HACL1: variants seen among roughly 807,000 people sequenced by gnomAD.
HACL1 encodes the protein 1600020H07Rik.
In HACL1, 64 loss-of-function variants were observed where a neutral mutation model predicts 74.2. That is an observed-to-expected ratio of 0.86 (90% confidence interval 0.70 to 1.06). The LOEUF is 1.06. HACL1 is among the 50% of genes least tolerant of loss of function. HACL1 has a pLI of 0.00. For synonymous variants in HACL1, 230 were observed against 238.8 expected, an observed-to-expected ratio of 0.96 and a Z score of 0.34; for missense variants, 728 against 719.7, an observed-to-expected ratio of 1.01 and a Z score of -0.13.
intron 10 of HACL1, 30 bp from the exon 11 acceptor site, chr3:15,573,272 C>T (rs549390610): frequency 7.5e-7 from 1 of 1,333,528 alleles, no homozygotes; most frequent in Admixed American, 1.7e-5. Flanking sequence ...AAAGAACAAC[C>T]CATGTTTATT....
intron 9 of HACL1, among the ~76,000 whole-genome samples, chr3:15,579,165 T>C (rs2063679754): frequency 1.3e-5 from 2 of 152,218 alleles, no homozygotes; most frequent in South Asian, 4.1e-4. Context: ...GATTTTAATA[T>C]GACCCAGAAT....
chr3:15,567,206 CTTTTT>C (rs34317560), intron 14 of HACL1, among the ~76,000 whole-genome samples: 2,486 of 81,080 alleles, frequency 0.031, 66 homozygotes, highest in African/African-American at 0.096. Context: ...GCCATGCTGC[CTTTTT>C]TTTTTTTTTT....
At chr3:15,593,167 A>G (rs989354387) in intron 3 of HACL1, among the ~76,000 whole-genome samples, 8 of 150,174 alleles carry the variant, frequency 5.3e-5, no homozygotes, top group African/African-American at 1.7e-4. Flanking sequence ...ACATACGTAT[A>G]TATGTGTGTA....
rs768599339 is a variant in HACL1, at chr3:15,563,407, G to T, written c.1655C>A (p.Pro552His). 2.5e-6 allele frequency: 4 copies of T among 1,613,590 alleles called. No individual in the cohort carries two copies. The African/African-American group carries it at 5.3e-5, about 22-fold the overall frequency. The stretch of plus-strand genomic sequence containing the variant: ...CTCAATCATGATGTTGATAAGAGAA[G>T]GTTTAGTTGTGTCTGCTAGGCTCTG... ...LRQSLADTTKPSLINIMIEPQ... is the reference protein window; with the variant it reads ...LRQSLADTTKHSLINIMIEPQ... Residue 552 changes from proline to histidine, a missense_variant, in exon 16 of 17, where the codon CCT becomes CAT. By Grantham distance (77) the Pro-to-His change is moderately conservative. Coordinates refer to ENST00000321169, the MANE Select transcript of HACL1 (RefSeq NM_012260.4).
chr3:15,565,972 C>T (rs1264923421), intron 14 of HACL1, among the ~76,000 whole-genome samples: 1 of 152,164 alleles, frequency 6.6e-6, no homozygotes. Context: ...GTAATCTAGA[C>T]ATCATTAAAA....
Position 15,564,633 on chromosome 3 carries a change from C to T in HACL1, c.1435G>A (p.Val479Ile), listed in dbSNP as rs1178461972. ...TGGTAAATTCCATTGTTATTCACTACCAACAGTATGATTGGCAAGTTGTAC... is the reference window on the plus strand; with the variant it reads ...TGGTAAATTCCATTGTTATTCACTATCAACAGTATGATTGGCAAGTTGTAC... ...CRYNLPIILLVVNNNGIYQGF... is the reference protein window; with the variant it reads ...CRYNLPIILLIVNNNGIYQGF... The change falls in exon 15 of 17, where the codon GTA (valine) becomes ATA (isoleucine). Residue 479 changes from valine to isoleucine, a missense_variant. Val to Ile is a conservative substitution (Grantham distance 29). Coordinates refer to ENST00000321169, the MANE Select transcript of HACL1 (RefSeq NM_012260.4). 9.2e-6 allele frequency: 14 copies of T among 1,529,348 alleles called. No individual in the cohort carries two copies. The highest frequency in any genetic ancestry group is 1.3e-5 in the Non-Finnish European group (14 of 1,108,756). 94.7% of individuals were successfully genotyped at this position (1,529,348 alleles called of 1,614,324 possible).
intron 3 of HACL1, among the ~76,000 whole-genome samples, chr3:15,592,069 T>C (rs966992893): frequency 4.2e-3 from 28 of 6,608 alleles, no homozygotes; most frequent in African/African-American, 0.016. Flanking sequence ...TATATACGTA[T>C]ATACGTATAC....
chr3:15,594,768 C>T (rs944708936), intron 3 of HACL1, among the ~76,000 whole-genome samples: 2 of 152,186 alleles, frequency 1.3e-5, no homozygotes, highest in Admixed American at 6.5e-5. Flanking sequence ...ACAAGTCATA[C>T]GGCTCGTGGC....
intron 2 of HACL1, 106 bp from the exon 3 acceptor site, chr3:15,596,530 G>T: frequency 3.0e-6 from 2 of 667,692 alleles, no homozygotes; most frequent in Non-Finnish European, 5.5e-6. Context: ...GGTAAAGGCA[G>T]AATTAAAATA....
At chr3:15,569,118 G>C (rs2063481044) in intron 12 of HACL1, among the ~76,000 whole-genome samples, 1 of 152,152 alleles carries the variant, frequency 6.6e-6, no homozygotes, top group Non-Finnish European at 1.5e-5. Context: ...TCCCTGAATG[G>C]AGAGAAAAAC....
chr3:15,584,741 G>T (rs2063765620), intron 7 of HACL1, among the ~76,000 whole-genome samples: 2 of 152,046 alleles, frequency 1.3e-5, no homozygotes, highest in South Asian at 4.1e-4. Context: ...CTCTATCAGG[G>T]GATGATTTAG....
At chr3:15,590,578 A>G (rs1383596444) in intron 4 of HACL1, among the ~76,000 whole-genome samples, 1 of 152,232 alleles carries the variant, frequency 6.6e-6, no homozygotes, top group African/African-American at 2.4e-5. Flanking sequence ...AGATCAGAGA[A>G]TAAGTACTAA....
At chr3:15,580,252 C>T (rs183548889) in intron 8 of HACL1, among the ~76,000 whole-genome samples, 174 of 152,196 alleles carry the variant, frequency 1.1e-3, no homozygotes, top group African/African-American at 4.0e-3. Flanking sequence ...CTCAGCTTCC[C>T]GAGTTGCTGG....
intron 3 of HACL1, among the ~76,000 whole-genome samples, chr3:15,592,040 T>TAC (rs1333415556): frequency 2.2e-5 from 3 of 136,842 alleles, no homozygotes; most frequent in Non-Finnish European, 4.6e-5. Context: ...TACGTATATA[T>TAC]ACACACACTA....
At chr3:15,574,268 T>C (rs1574918022) in intron 10 of HACL1, among the ~76,000 whole-genome samples, 1 of 152,216 alleles carries the variant, frequency 6.6e-6, no homozygotes, top group East Asian at 1.9e-4. Flanking sequence ...GTCAGGAAGC[T>C]GAGGCAGGAG....
chr3:15,594,436 C>T (rs1337904474), intron 3 of HACL1, among the ~76,000 whole-genome samples: 1 of 152,244 alleles, frequency 6.6e-6, no homozygotes. Context: ...ATGTTTTACC[C>T]TTCAGTGTGA....
chr3:15,560,984 A>G (rs2063337101), intron 16 of HACL1, 87 bp from the exon 17 acceptor site: 2 of 1,035,632 alleles, frequency 1.9e-6, no homozygotes, highest in Non-Finnish European at 3.0e-6. Context: ...CTAAAACCTA[A>G]AAGTCCTACA....
At chr3:15,563,231 CAA>C in intron 16 of HACL1, 125 bp downstream of exon 16, 1 of 647,160 alleles carries the variant, frequency 1.5e-6, no homozygotes, top group South Asian at 2.0e-5. Flanking sequence ...ATGAAACTGC[CAA>C]ACTCAGAAAT....
rs1056223396 is a variant in HACL1 at position 15,600,046 on chromosome 3, A to T, written c.186+1044T>A. Among the ~76,000 whole-genome samples the T allele has an allele frequency of 2.7e-4, 40 of 149,698 alleles. 1 individual carries two copies. The highest frequency in any genetic ancestry group is 2.4e-3 in the Admixed American group (36 of 15,212). On this transcript the variant is annotated intron_variant, in intron 2 of 16. Coordinates refer to ENST00000321169, the MANE Select transcript of HACL1 (RefSeq NM_012260.4). ...AAACCTCCTAGTTTTAAGATTAAAA[A>T]ATACAAATCTCAAACCTTGTAGATA...
Sources: allele counts gnomAD v4.1 joint callset (sites outside exome capture counted in the v4.1 genomes callset), GRCh38; gene constraint gnomAD v4.1.1; transcripts MANE v1.5; gene names NCBI Gene and HGNC (gene_info 2026-07-23, HGNC 2026-07-21).